The following RAD51B variants were observed in gnomAD, a reference collection of about 807,000 sequenced individuals.
RAD51B encodes DNA repair protein RAD51 homolog 2.
RAD51B carries 38 observed loss-of-function variants against 42.2 expected under a neutral mutation model. The observed-to-expected ratio is 0.90, with a 90% CI of 0.70 to 1.18. RAD51B has a LOEUF of 1.18. Among genes scored for constraint, RAD51B ranks in the 50% most tolerant of loss-of-function variants. The pLI is 0.00. For synonymous variants in RAD51B, 154 were observed against 145.2 expected, an observed-to-expected ratio of 1.06 and a Z score of -0.43; for missense variants, 373 against 400.7, an observed-to-expected ratio of 0.93 and a Z score of 0.59.
intron 7 of RAD51B, among the ~76,000 whole-genome samples, chr14:68,004,234 G>C (rs2075539418): frequency 6.6e-6 from 1 of 150,950 alleles, no homozygotes; most frequent in Admixed American, 6.6e-5. Flanking sequence ...TCGGGACGCT[G>C]AGGCAGGAGA....
chr14:68,075,207 C>G (rs2076812645), intron 7 of RAD51B, among the ~76,000 whole-genome samples: 2 of 152,020 alleles, frequency 1.3e-5, no homozygotes, highest in Non-Finnish European at 2.9e-5. Context: ...TGGTGACAAA[C>G]AGAGGGGAGT....
chr14:67,885,707 A>G (rs2043040445), intron 5 of RAD51B, 162 bp from the exon 6 acceptor site: 1 of 872,070 alleles, frequency 1.1e-6, no homozygotes, highest in Admixed American at 3.8e-5. Flanking sequence ...TAGTGCTTAC[A>G]AAAGAGAGCT....
chr14:68,351,017 G>A (rs970868440), intron 8 of RAD51B, among the ~76,000 whole-genome samples: 1 of 152,156 alleles, frequency 6.6e-6, no homozygotes, highest in Non-Finnish European at 1.5e-5. Flanking sequence ...TAGCTCCACT[G>A]AATTCACTTC....
chr14:68,595,457 G>A (rs1392733483), exon 11 of RAD51B: 5 of 1,066,574 alleles, frequency 4.7e-6, no homozygotes, highest in Non-Finnish European at 5.7e-6. Flanking sequence ...GGAATTAAGA[G>A]AACATCCAAG....
At chr14:68,077,996 A>G (rs1157971911) in intron 7 of RAD51B, among the ~76,000 whole-genome samples, 1 of 152,158 alleles carries the variant, frequency 6.6e-6, no homozygotes, top group Admixed American at 6.5e-5. Context: ...TCTTATATGT[A>G]CATAAGGTGG....
chr14:67,953,606 G>A (rs1349300478), intron 7 of RAD51B, among the ~76,000 whole-genome samples: 2 of 152,094 alleles, frequency 1.3e-5, no homozygotes, highest in Non-Finnish European at 2.9e-5. Context: ...AAATTAAGGG[G>A]CCATTGCAGA....
chr14:67,960,032 C>T (rs549867435), intron 7 of RAD51B, among the ~76,000 whole-genome samples: 1 of 151,846 alleles, frequency 6.6e-6, no homozygotes, highest in South Asian at 2.1e-4. Flanking sequence ...TTGCAATGAG[C>T]TGAGATCGCG....
downstream of RAD51B, among the ~76,000 whole-genome samples, chr14:68,613,914 G>C (rs943446886): frequency 2.0e-5 from 3 of 152,216 alleles, no homozygotes; most frequent in Admixed American, 1.3e-4. Context: ...AGGGCCTGCT[G>C]TTGTGTGGCC....
chr14:68,017,732 GGAGGCCAAGGCAGGCAGATCAC>G (rs1407699889), intron 7 of RAD51B, among the ~76,000 whole-genome samples: 1 of 151,804 alleles, frequency 6.6e-6, no homozygotes, highest in Non-Finnish European at 1.5e-5. Context: ...CAGCACTTTG[GGAGGCCAAGGCAGGCAGATCAC>G]GAGGTCAAGA....
intron 11 of RAD51B, among the ~76,000 whole-genome samples, chr14:68,662,760 A>T (rs1171426228): frequency 6.6e-6 from 1 of 152,140 alleles, no homozygotes; most frequent in Non-Finnish European, 1.5e-5. Flanking sequence ...TTTCTTTCCT[A>T]AGCCTTCATA....
chr14:68,648,050 G>T (rs10130609), intron 10 of RAD51B, among the ~76,000 whole-genome samples: 114,258 of 116,474 alleles, frequency 0.98, 56,035 homozygotes, highest in Non-Finnish European at 0.99. Context: ...CACGTATATA[G>T]ATGTGTGTGT....
At chr14:68,130,407 C>G (rs2077863034) in intron 7 of RAD51B, among the ~76,000 whole-genome samples, 1 of 152,190 alleles carries the variant, frequency 6.6e-6, no homozygotes, top group Admixed American at 6.5e-5. Context: ...AGATTTAGAT[C>G]CTGGAATGAA....
chr14:68,458,564 C>T (rs1195288537), intron 9 of RAD51B, among the ~76,000 whole-genome samples: 1 of 151,820 alleles, frequency 6.6e-6, no homozygotes, highest in East Asian at 1.9e-4. Flanking sequence ...AAACAATCAC[C>T]AGAGAGGTGT....
intron 10 of RAD51B, among the ~76,000 whole-genome samples, chr14:68,490,518 A>G (rs1036729162): frequency 2.0e-5 from 3 of 152,232 alleles, no homozygotes; most frequent in African/African-American, 4.8e-5. Flanking sequence ...AAGATTCTCT[A>G]AGACATATTG....
intron 7 of RAD51B, chr14:67,887,479 C>A (rs1417714579): frequency 3.8e-6 from 1 of 262,282 alleles, no homozygotes; most frequent in Non-Finnish European, 7.3e-6. Context: ...TCTTCCTTCT[C>A]ATTGTTTACT....
intron 10 of RAD51B, among the ~76,000 whole-genome samples, chr14:68,572,613 C>T (rs1268963645): frequency 6.6e-6 from 1 of 152,142 alleles, no homozygotes; most frequent in Non-Finnish European, 1.5e-5. Context: ...TGCGGTGCCC[C>T]CACGGCTCAC....
In RAD51B at chr14:68,291,929, G is replaced by C. The variant is rs758696568; in HGVS notation, c.802G>C (p.Ala268Pro). ...QITTHLSGAL[A>P]SQADLVSPAD... ...TACAACCCATCTGAGTGGAGCCCTGGCTTCTCAGGCAGACCTGGTGTCTCC... is the reference window on the plus strand; with the variant it reads ...TACAACCCATCTGAGTGGAGCCCTGCCTTCTCAGGCAGACCTGGTGTCTCC... Residue 268 changes from alanine to proline, a missense_variant, in exon 8 of 11, where the codon GCT (alanine) becomes CCT (proline). By Grantham distance (27) the Ala-to-Pro change is conservative (BLOSUM62 -1). Transcript: ENST00000471583. The C allele has an allele frequency of 6.2e-6, 10 of 1,613,812 alleles. No individual in the cohort carries two copies. The East Asian group carries it at 1.8e-4, about 29-fold the overall frequency.
intron 7 of RAD51B, among the ~76,000 whole-genome samples, chr14:67,999,099 A>C (rs907070715): frequency 1.3e-5 from 2 of 151,938 alleles, no homozygotes; most frequent in African/African-American, 2.4e-5. Context: ...CCAGACAGAC[A>C]TCAGGGCGAC....
chr14:68,431,249 G>C (rs1030020661), intron 9 of RAD51B, among the ~76,000 whole-genome samples: 2 of 152,168 alleles, frequency 1.3e-5, no homozygotes, highest in Non-Finnish European at 2.9e-5. Flanking sequence ...TTGGTATGTG[G>C]ATGATGCTGG....
Sources: gnomAD v4.1 joint callset for allele counts (sites outside exome capture counted in the v4.1 genomes callset) on GRCh38, gnomAD v4.1.1 for gene constraint, MANE v1.5 for transcripts, NCBI Gene and HGNC (gene_info 2026-07-23, HGNC 2026-07-21) for gene names.